Variants in FAR2 observed in about 807,000 individuals in gnomAD.
FAR2 encodes the protein fatty acyl-CoA reductase 2.
FAR2 carries 19 observed loss-of-function variants against 56.0 expected under a neutral mutation model. The observed-to-expected ratio is 0.34, with a 90% CI of 0.24 to 0.50. The LOEUF (loss-of-function observed/expected upper bound fraction) is 0.50. Ranked by LOEUF, FAR2 falls within the 20% of genes least tolerant of loss-of-function variation. The pLI is 0.98. For missense variants in FAR2, 508 were observed against 642.2 expected (o/e 0.79, Z 2.26); for synonymous variants, 219 against 218.8 (o/e 1.00, Z -0.01).
intron 1 of FAR2, among the ~76,000 whole-genome samples, chr12:29,160,760 T>A (rs1419041118): frequency 6.6e-6 from 1 of 152,124 alleles, no homozygotes. Context: ...GTGTCTCACA[T>A]CCTCTTCTTT....
rs547703516 is a variant in FAR2, at chr12:29,162,597, T to A, written c.-39+13190T>A. On this transcript the variant is annotated intron_variant, in intron 1 of 11. Transcript: ENST00000536681. ...AATAGATCACTCTAAAAAATCAAAG[T>A]ATACAATTTAAAATTAATTTGGATC... 9.2e-5 allele frequency among the ~76,000 whole-genome samples: 14 copies of A among 152,232 alleles called. No individual in the cohort carries two copies. In the South Asian group the frequency reaches 2.9e-3, roughly 32 times the overall value.
At chr12:29,286,817 T>C (rs973631440) in intron 2 of FAR2, among the ~76,000 whole-genome samples, 4 of 152,182 alleles carry the variant, frequency 2.6e-5, no homozygotes, top group African/African-American at 9.7e-5. Context: ...AAATTGTCTT[T>C]AAGAACAGCA....
intron 10 of FAR2, among the ~76,000 whole-genome samples, chr12:29,330,291 A>C (rs962089756): frequency 1.3e-5 from 2 of 152,172 alleles, no homozygotes; most frequent in African/African-American, 4.8e-5. Flanking sequence ...TCCTGACCTC[A>C]GGTGATCTGC....
chr12:29,299,281 G>A (rs996260834), intron 4 of FAR2, among the ~76,000 whole-genome samples: 1 of 150,862 alleles, frequency 6.6e-6, no homozygotes, highest in African/African-American at 2.4e-5. Context: ...CCATAGTGAA[G>A]GGCTTCTCTA....
chr12:29,170,599 C>T (rs1565680082), intron 1 of FAR2, among the ~76,000 whole-genome samples: 1 of 152,132 alleles, frequency 6.6e-6, no homozygotes, highest in Non-Finnish European at 1.5e-5. Context: ...CTGACTCCCT[C>T]TTTGTCTGTT....
At chr12:29,232,634 T>C (rs906074437) in intron 1 of FAR2, among the ~76,000 whole-genome samples, 1 of 152,114 alleles carries the variant, frequency 6.6e-6, no homozygotes, top group African/African-American at 2.4e-5. Context: ...CCAGCCATCT[T>C]TTTTGGTCAG....
chr12:29,310,930 A>T, intron 6 of FAR2, 98 bp from the exon 7 acceptor site: 1 of 873,274 alleles, frequency 1.1e-6, no homozygotes, highest in Non-Finnish European at 1.9e-6. Flanking sequence ...AGCTGTTTTC[A>T]CTTATTGCAC....
intron 3 of FAR2, among the ~76,000 whole-genome samples, chr12:29,294,472 C>A (rs925953035): frequency 6.6e-6 from 1 of 152,068 alleles, no homozygotes; most frequent in African/African-American, 2.4e-5. Flanking sequence ...CTCAGCCTCC[C>A]AAGTAGTTGG....
At chr12:29,159,293 C>T (rs966409610) in intron 1 of FAR2, among the ~76,000 whole-genome samples, 24 of 152,114 alleles carry the variant, frequency 1.6e-4, no homozygotes, top group Non-Finnish European at 3.1e-4. Context: ...AATCCTAGCA[C>T]TTTGGGAGGC....
chr12:29,268,206 C>G (rs1948550875), intron 1 of FAR2, among the ~76,000 whole-genome samples: 1 of 152,012 alleles, frequency 6.6e-6, no homozygotes, highest in Non-Finnish European at 1.5e-5. Context: ...CTTTATAAGC[C>G]CTGATGTCAG....
At chr12:29,209,722 G>T (rs555993213) in intron 1 of FAR2, among the ~76,000 whole-genome samples, 91 of 150,458 alleles carry the variant, frequency 6.0e-4, no homozygotes, top group African/African-American at 2.2e-3. Context: ...GTGTGTGTCT[G>T]TGTGTGTAAA....
At chr12:29,171,899 T>A (rs35199330) in intron 1 of FAR2, 2 of 120,200 alleles carry the variant, frequency 1.7e-5, no homozygotes, top group African/African-American at 6.2e-5. Flanking sequence ...AACTGACTGG[T>A]AAGTGAGGAG....
intron 1 of FAR2, among the ~76,000 whole-genome samples, chr12:29,216,561 C>T (rs149489205): frequency 5.1e-4 from 78 of 152,238 alleles, no homozygotes; most frequent in East Asian, 3.9e-3. Flanking sequence ...TACATGTGAG[C>T]GCCCACTGAT....
At chr12:29,295,465 C>T (rs1365051712) in intron 3 of FAR2, among the ~76,000 whole-genome samples, 1 of 152,072 alleles carries the variant, frequency 6.6e-6, no homozygotes, top group Non-Finnish European at 1.5e-5. Flanking sequence ...TTTTAAAAAT[C>T]TTGGGAGTTT....
chr12:29,255,587 A>C (rs1242045776), intron 1 of FAR2, among the ~76,000 whole-genome samples: 3 of 152,184 alleles, frequency 2.0e-5, no homozygotes, highest in Non-Finnish European at 4.4e-5. Context: ...AGTAGAGACT[A>C]TAAAATACTG....
intron 1 of FAR2, among the ~76,000 whole-genome samples, chr12:29,165,638 G>A (rs1472811229): frequency 6.6e-6 from 1 of 152,112 alleles, no homozygotes; most frequent in Non-Finnish European, 1.5e-5. Context: ...ATATTTGCCT[G>A]AAAATCAATG....
chr12:29,301,660 G>C (rs1405145111), intron 4 of FAR2: 1 of 152,110 alleles, frequency 6.6e-6, no homozygotes, highest in Non-Finnish European at 1.5e-5. Flanking sequence ...GCTCTATTGA[G>C]CATATGTAAA....
intron 2 of FAR2, among the ~76,000 whole-genome samples, chr12:29,290,378 G>A (rs564361554): frequency 1.3e-5 from 2 of 152,074 alleles, no homozygotes; most frequent in African/African-American, 4.8e-5. Context: ...CTCAGAAGGT[G>A]AAGGTTGTAG....
rs567534659 is a variant in FAR2, at chr12:29,200,061, A to G, written c.-39+50654A>G. On this transcript the variant is annotated intron_variant, in intron 1 of 11. Coordinates refer to ENST00000536681, the MANE Select transcript of FAR2 (RefSeq NM_001271783.2). Reference sequence around the variant, plus strand: ...TTGAAGCTCTATGAGTGACATCATCAGTAGTTTCATTAAAAATGAAAACAA... The same window carrying G: ...TTGAAGCTCTATGAGTGACATCATCGGTAGTTTCATTAAAAATGAAAACAA... Among the ~76,000 whole-genome samples the G allele has an allele frequency of 2.1e-4, 32 of 152,334 alleles. 1 individual carries two copies. The South Asian group carries it at 6.2e-3, about 30-fold the overall frequency.
Sources: gnomAD v4.1 joint callset for allele counts (sites outside exome capture counted in the v4.1 genomes callset) on GRCh38, gnomAD v4.1.1 for gene constraint, MANE v1.5 for transcripts, NCBI Gene and HGNC (gene_info 2026-07-23, HGNC 2026-07-21) for gene names.